Variants in CELF4 observed in about 807,000 individuals in gnomAD.
CELF4 encodes the protein CUG-BP- and ETR-3-like factor 4.
In CELF4, 18 loss-of-function variants were observed where a neutral mutation model predicts 59.9. That is an observed-to-expected ratio of 0.30 (90% CI 0.21 to 0.45). The LOEUF (loss-of-function observed/expected upper bound fraction) is 0.45. CELF4 is among the 20% of genes least tolerant of loss of function. The pLI, the probability that CELF4 is intolerant of heterozygous loss-of-function variation, is 1.00. For missense variants in CELF4, 456 were observed against 689.0 expected (o/e 0.66, Z 3.79); for synonymous variants, 261 against 267.1 (o/e 0.98, Z 0.22).
intron 1 of CELF4, among the ~76,000 whole-genome samples, chr18:37,523,425 C>A (rs1207938194): frequency 6.6e-6 from 1 of 152,220 alleles, no homozygotes; most frequent in Non-Finnish European, 1.5e-5. Context: ...CACCTGGTAC[C>A]TGCCATGTGT....
chr18:37,353,233 A>AAAAAAATATATATATATAT (rs71168258), intron 2 of CELF4, among the ~76,000 whole-genome samples: 27 of 106,944 alleles, frequency 2.5e-4, no homozygotes, highest in Non-Finnish European at 4.4e-4. Context: ...AAAAAAAAAA[A>AAAAAAATATATATATATAT]ATATATATAT....
intron 2 of CELF4, among the ~76,000 whole-genome samples, chr18:37,481,446 C>T (rs938751713): frequency 6.6e-6 from 1 of 152,194 alleles, no homozygotes; most frequent in Admixed American, 6.5e-5. Flanking sequence ...CCCTTGAGAC[C>T]CTGTATTCCC....
At chr18:37,478,701 A>C (rs10853440) in intron 2 of CELF4, among the ~76,000 whole-genome samples, 83,204 of 152,116 alleles carry the variant, frequency 0.55, 23,186 homozygotes, top group Admixed American at 0.64. Context: ...GGGCTAAGGG[A>C]TAACGTGGAA....
intron 1 of CELF4, among the ~76,000 whole-genome samples, chr18:37,516,310 TC>T (rs944016698): frequency 2.0e-5 from 3 of 151,978 alleles, no homozygotes; most frequent in African/African-American, 7.2e-5. Context: ...GGACCACCCA[TC>T]CCACCACTGT....
chr18:37,376,500 C>A (rs539088334), intron 2 of CELF4, among the ~76,000 whole-genome samples: 39 of 152,246 alleles, frequency 2.6e-4, no homozygotes, highest in Admixed American at 1.8e-3. Context: ...TGCTCCCCTA[C>A]TCTTCTGGTC....
At chr18:37,512,574 A>T (rs1018576860) in intron 1 of CELF4, among the ~76,000 whole-genome samples, 2 of 147,518 alleles carry the variant, frequency 1.4e-5, no homozygotes, top group Non-Finnish European at 3.0e-5. Flanking sequence ...CTTTATCTTG[A>T]CACCTTTCTC....
rs114950627 is a variant in CELF4, at chr18:37,555,676, G to A, written c.286+9680C>T. ...TATTATTAATAATGGATATCTATACGCTGACCTTTGTCCACACAACTGAAT... is the reference window on the plus strand; with the variant it reads ...TATTATTAATAATGGATATCTATACACTGACCTTTGTCCACACAACTGAAT... On this transcript the variant is annotated intron_variant, in intron 1 of 12. Transcript: ENST00000420428. 5.3e-3 allele frequency among the ~76,000 whole-genome samples: 800 copies of A among 152,250 alleles called. 8 individuals are homozygous for A. Among genetic ancestry groups the A allele is most frequent in the African/African-American group, 0.018 (753 of 41,528 alleles).
rs144513108 is a variant in CELF4 at position 37,494,118 on chromosome 18, G to A, written c.287-8511C>T. 4.5e-4 allele frequency among the ~76,000 whole-genome samples: 68 copies of A among 152,342 alleles called. No homozygotes were observed. The East Asian group carries it at 9.6e-3, about 22-fold the overall frequency. On this transcript the variant is annotated intron_variant, in intron 1 of 12. Coordinates refer to ENST00000420428, the MANE Select transcript of CELF4 (RefSeq NM_020180.4). ...CCTAAGTGGCTCTGGACAAGGAGGT[G>A]CAGACCTCAGAGGGTTAAAGAACCA...
chr18:37,313,432 T>C (rs942244204), intron 3 of CELF4, among the ~76,000 whole-genome samples: 6 of 152,198 alleles, frequency 3.9e-5, no homozygotes, highest in Admixed American at 3.3e-4. Context: ...CTTCTGTATA[T>C]TGAATTTTTG....
At chr18:37,356,428 A>G (rs2098574684) in intron 2 of CELF4, among the ~76,000 whole-genome samples, 1 of 152,176 alleles carries the variant, frequency 6.6e-6, no homozygotes, top group Non-Finnish European at 1.5e-5. Context: ...CAAGGACATG[A>G]AAGAGGTGCT....
Position 37,321,805 on chromosome 18 carries a change from G to C in CELF4, c.446C>G (p.Ser149Ter), listed in dbSNP as rs766023007. The C allele has an allele frequency of 6.2e-7, 1 of 1,610,248 alleles. No individual in the cohort carries two copies. Among genetic ancestry groups the C allele is most frequent in the African/African-American group, 1.3e-5 (1 of 74,972 alleles). Residue 149 changes from serine to a stop codon, truncating the protein, a stop_gained and splice_region_variant, in exon 3 of 13, where the codon TCA becomes TGA. Transcript: ENST00000420428. LOFTEE classifies it high-confidence loss of function. ...GGSSCLRQPP[S>*]QDRKLFVGML... ...GGCAGAGACAAGTGGGCCCTCACGT[G>C]AAGGGGGCTGGCGCAGGCAGCTACT...
chr18:37,262,587 G>A (rs561873864), intron 10 of CELF4, among the ~76,000 whole-genome samples: 100 of 152,278 alleles, frequency 6.6e-4, no homozygotes, highest in African/African-American at 2.3e-3. Flanking sequence ...ATTGACCTAC[G>A]GCTGTGTGAA....
chr18:37,392,952 A>T (rs1470095481), intron 2 of CELF4, among the ~76,000 whole-genome samples: 1 of 152,122 alleles, frequency 6.6e-6, no homozygotes, highest in African/African-American at 2.4e-5. Context: ...ATTCCATTCC[A>T]AGGGGGCAGA....
At chr18:37,548,140 C>CTGTG (rs368524105) in intron 1 of CELF4, among the ~76,000 whole-genome samples, 2 of 150,984 alleles carry the variant, frequency 1.3e-5, no homozygotes, top group Non-Finnish European at 3.0e-5. Context: ...GTACACATCT[C>CTGTG]TGTGTGTGTG....
chr18:37,500,065 C>A (rs2099929788), intron 1 of CELF4, among the ~76,000 whole-genome samples: 1 of 152,154 alleles, frequency 6.6e-6, no homozygotes, highest in South Asian at 2.1e-4. Context: ...AAAGGGAGAG[C>A]AAGCCAGACA....
At chr18:37,465,137 G>T (rs891616276) in intron 2 of CELF4, among the ~76,000 whole-genome samples, 1 of 152,150 alleles carries the variant, frequency 6.6e-6, no homozygotes, top group Non-Finnish European at 1.5e-5. Flanking sequence ...GATGCCTTAG[G>T]AAAGCTCTTT....
At chr18:37,265,126 T>G (rs1055777214) in intron 9 of CELF4, among the ~76,000 whole-genome samples, 1 of 150,240 alleles carries the variant, frequency 6.7e-6, no homozygotes, top group African/African-American at 2.5e-5. Context: ...TGTGTGTACA[T>G]TACATGCATA....
chr18:37,412,610 G>A (rs1038402988), intron 2 of CELF4, among the ~76,000 whole-genome samples: 2 of 152,018 alleles, frequency 1.3e-5, no homozygotes, highest in Non-Finnish European at 2.9e-5. Context: ...GTGTGTGGAT[G>A]GGTGGGTGGG....
intron 2 of CELF4, among the ~76,000 whole-genome samples, chr18:37,448,583 T>C (rs1044406405): frequency 3.3e-5 from 5 of 152,238 alleles, no homozygotes; most frequent in East Asian, 1.9e-4. Flanking sequence ...CTTTCCGTCT[T>C]GCGCAGGTGC....
Sources: gnomAD v4.1 joint callset for allele counts (sites outside exome capture counted in the v4.1 genomes callset) on GRCh38, gnomAD v4.1.1 for gene constraint, MANE v1.5 for transcripts, NCBI Gene and HGNC (gene_info 2026-07-23, HGNC 2026-07-21) for gene names.